The following TAFA1 variants were observed in gnomAD, a reference collection of about 807,000 sequenced individuals.
The protein encoded by TAFA1 is TAFA chemokine like family member 1.
TAFA1 carries 4 observed loss-of-function variants against 18.5 expected under a neutral mutation model. That is an observed-to-expected ratio of 0.22 (90% CI 0.11 to 0.49). TAFA1 has a LOEUF of 0.49. TAFA1 is among the 20% of genes least tolerant of loss of function. TAFA1 has a pLI of 0.98. For missense variants in TAFA1, 147 were observed against 169.0 expected, an observed-to-expected ratio of 0.87 and a Z score of 0.72; for synonymous variants, 56 against 55.2, an observed-to-expected ratio of 1.01 and a Z score of -0.06.
intron 2 of TAFA1, among the ~76,000 whole-genome samples, chr3:68,402,347 T>C (rs1408807523): frequency 6.6e-6 from 1 of 152,208 alleles, no homozygotes; most frequent in African/African-American, 2.4e-5. Flanking sequence ...GTGGCCAGAC[T>C]AAGTTAATTC....
chr3:68,435,024 T>G (rs1160295394), intron 3 of TAFA1, among the ~76,000 whole-genome samples: 4 of 152,040 alleles, frequency 2.6e-5, no homozygotes, highest in African/African-American at 9.7e-5. Flanking sequence ...ACAGGCAAAT[T>G]GGTGATTGCA....
At chr3:68,446,052 C>G (rs2071469849) in intron 3 of TAFA1, among the ~76,000 whole-genome samples, 1 of 152,016 alleles carries the variant, frequency 6.6e-6, no homozygotes, top group Non-Finnish European at 1.5e-5. Flanking sequence ...CAGACACATA[C>G]CACTATAGCC....
At chr3:68,490,754 T>G (rs1273494370) in intron 3 of TAFA1, among the ~76,000 whole-genome samples, 1 of 152,194 alleles carries the variant, frequency 6.6e-6, no homozygotes, top group East Asian at 1.9e-4. Context: ...AATTTTTCAC[T>G]TTTAATTTCT....
chr3:68,425,365 A>G (rs1005606213), intron 3 of TAFA1, among the ~76,000 whole-genome samples: 1 of 151,932 alleles, frequency 6.6e-6, no homozygotes, highest in Non-Finnish European at 1.5e-5. Context: ...TAAACACACC[A>G]AAGCTTGTTT....
intron 2 of TAFA1, among the ~76,000 whole-genome samples, chr3:68,329,666 G>T (rs895691155): frequency 6.6e-6 from 1 of 152,142 alleles, no homozygotes; most frequent in South Asian, 2.1e-4. Context: ...ACAAGCTCAA[G>T]GAACACATCT....
At chr3:68,367,935 C>G (rs1372249271) in intron 2 of TAFA1, among the ~76,000 whole-genome samples, 1 of 152,110 alleles carries the variant, frequency 6.6e-6, no homozygotes, top group Non-Finnish European at 1.5e-5. Context: ...TAATGGCTCA[C>G]TTAGCTGCTG....
chr3:68,382,690 G>A (rs566414221), intron 2 of TAFA1, among the ~76,000 whole-genome samples: 6 of 151,660 alleles, frequency 4.0e-5, no homozygotes, highest in Non-Finnish European at 7.4e-5. Context: ...GCCTTTTTGA[G>A]CTTTTTTATG....
At chr3:68,506,938 G>T (rs1041882585) in intron 3 of TAFA1, among the ~76,000 whole-genome samples, 1 of 151,590 alleles carries the variant, frequency 6.6e-6, no homozygotes, top group Non-Finnish European at 1.5e-5. Flanking sequence ...TGGGCTGGAA[G>T]GGTGTTTATT....
chr3:68,521,332 C>T (rs184075189), intron 3 of TAFA1, among the ~76,000 whole-genome samples: 8 of 152,232 alleles, frequency 5.3e-5, no homozygotes, highest in East Asian at 1.9e-4. Flanking sequence ...TTTGAAGTTC[C>T]GCTGCTGGAG....
intron 2 of TAFA1, among the ~76,000 whole-genome samples, chr3:68,074,417 A>G (rs931680957): frequency 1.3e-5 from 2 of 152,166 alleles, no homozygotes; most frequent in Non-Finnish European, 2.9e-5. Flanking sequence ...CTGATGCTCA[A>G]GTTCAAATTC....
At chr3:68,229,966 A>AT (rs2107113165) in intron 2 of TAFA1, among the ~76,000 whole-genome samples, 1 of 152,126 alleles carries the variant, frequency 6.6e-6, no homozygotes, top group South Asian at 2.1e-4. Flanking sequence ...CTTTTTTTTA[A>AT]TTTTTATTTT....
chr3:68,385,221 G>A (rs2070068351), intron 2 of TAFA1, among the ~76,000 whole-genome samples: 1 of 152,076 alleles, frequency 6.6e-6, no homozygotes, highest in South Asian at 2.1e-4. Context: ...ACTATTACGA[G>A]GAAGGTGGAA....
intron 2 of TAFA1, among the ~76,000 whole-genome samples, chr3:68,396,825 A>G (rs1275711639): frequency 6.6e-6 from 1 of 152,198 alleles, no homozygotes; most frequent in East Asian, 1.9e-4. Flanking sequence ...ACGTTATTTT[A>G]CCTGTTAAAA....
At chr3:68,467,386 T>G (rs2071909012) in intron 3 of TAFA1, among the ~76,000 whole-genome samples, 2 of 152,214 alleles carry the variant, frequency 1.3e-5, no homozygotes, top group African/African-American at 4.8e-5. Flanking sequence ...TCTTCTGTCA[T>G]GGCTTCAGCA....
rs1253229175 is a variant in TAFA1, at chr3:68,008,138, TG to T, written c.118+1395del. Among the ~76,000 whole-genome samples, 6 of 152,324 alleles carry T rather than the reference TG, an allele frequency of 3.9e-5. No homozygotes were observed. The East Asian group carries it at 9.7e-4, about 25-fold the overall frequency. ...GACAGGGAAGGCGAGGGGGCGCTGG[TG>T]CCCCTGCAGGTGGGCAGGGAAACCG... On this transcript the variant is annotated intron_variant, in intron 2 of 4. Transcript: ENST00000478136.
intron 2 of TAFA1, among the ~76,000 whole-genome samples, chr3:68,378,821 T>C (rs529772744): frequency 6.6e-6 from 1 of 152,196 alleles, no homozygotes; most frequent in African/African-American, 2.4e-5. Context: ...GCAAAGCCTT[T>C]GACAGTTCCT....
chr3:68,225,284 G>A (rs1310248829), intron 2 of TAFA1, among the ~76,000 whole-genome samples: 1 of 152,110 alleles, frequency 6.6e-6, no homozygotes, highest in Non-Finnish European at 1.5e-5. Flanking sequence ...CTCATGTCAA[G>A]AGGAGACATG....
At chr3:68,386,891 A>G (rs1441965737) in intron 2 of TAFA1, among the ~76,000 whole-genome samples, 1 of 152,138 alleles carries the variant, frequency 6.6e-6, no homozygotes, top group Non-Finnish European at 1.5e-5. Context: ...ACAATTTCCC[A>G]TGAGATCAAT....
chr3:68,316,765 G>A (rs1300443846), intron 2 of TAFA1, among the ~76,000 whole-genome samples: 1 of 152,142 alleles, frequency 6.6e-6, no homozygotes, highest in African/African-American at 2.4e-5. Context: ...TCAATGAATA[G>A]GTGTTGAATG....
Sources: allele counts gnomAD v4.1 joint callset (sites outside exome capture counted in the v4.1 genomes callset), GRCh38; gene constraint gnomAD v4.1.1; transcripts MANE v1.5; gene names NCBI Gene and HGNC (gene_info 2026-07-23, HGNC 2026-07-21).